The following ARFGEF1 variants were observed in gnomAD, a reference collection of about 807,000 sequenced individuals.
ARFGEF1 encodes the protein ARF guanine nucleotide exchange factor 1.
A neutral mutation model predicts 231.0 loss-of-function variants in ARFGEF1; 42 were observed. That is an observed-to-expected ratio of 0.18 (90% CI 0.14 to 0.24). The LOEUF (loss-of-function observed/expected upper bound fraction) is 0.24, where lower values mean the gene tolerates loss of function less well. Ranked by LOEUF, ARFGEF1 falls within the 10% of genes least tolerant of loss-of-function variation. The pLI, the probability that ARFGEF1 is intolerant of heterozygous loss-of-function variation, is 1.00. For missense variants in ARFGEF1, 1,345 were observed against 2,192.0 expected, an observed-to-expected ratio of 0.61 and a Z score of 7.72; for synonymous variants, 710 against 732.3, an observed-to-expected ratio of 0.97 and a Z score of 0.49.
intron 26 of ARFGEF1, 31 bp downstream of exon 26, chr8:67,227,416 C>T: frequency 6.2e-7 from 1 of 1,603,214 alleles, no homozygotes; most frequent in Non-Finnish European, 8.5e-7. Context: ...CAAGATTTTC[C>T]TTCTATTAAG....
intron 29 of ARFGEF1, 62 bp from the exon 30 acceptor site, chr8:67,219,622 G>A: frequency 6.7e-7 from 1 of 1,483,464 alleles, no homozygotes. Context: ...TCCTAAAATA[G>A]TTTTTAGAGT....
chr8:67,177,025 C>T (rs111533364), intron 5 of ARFGEF1, among the ~76,000 whole-genome samples: 3,146 of 141,272 alleles, frequency 0.022, 70 homozygotes, highest in South Asian at 0.049. Flanking sequence ...GAGCCAAGAT[C>T]GTGCCACTGC....
At chr8:67,219,345 T>G in intron 30 of ARFGEF1, 86 bp downstream of exon 30, 1 of 1,446,046 alleles carries the variant, frequency 6.9e-7, no homozygotes, top group Non-Finnish European at 9.2e-7. Flanking sequence ...TTTCTGTACT[T>G]AATTTGAAAC....
At chr8:67,338,546 A>G (rs1176311146) in intron 1 of ARFGEF1, among the ~76,000 whole-genome samples, 2 of 152,262 alleles carry the variant, frequency 1.3e-5, no homozygotes, top group Non-Finnish European at 2.9e-5. Context: ...CAGATTACAC[A>G]CTATAATCCA....
chr8:67,214,086 G>A (rs930249314), intron 33 of ARFGEF1, among the ~76,000 whole-genome samples: 1 of 152,166 alleles, frequency 6.6e-6, no homozygotes, highest in Admixed American at 6.5e-5. Context: ...AGAGACTGTT[G>A]GTAGAAATAT....
chr8:67,302,118 G>A (rs1225458096), intron 2 of ARFGEF1, among the ~76,000 whole-genome samples: 3 of 152,066 alleles, frequency 2.0e-5, no homozygotes, highest in Admixed American at 1.3e-4. Flanking sequence ...AGGATCACTT[G>A]AGCCTGGGAA....
At chr8:67,314,166 T>C (rs201287675) in intron 1 of ARFGEF1, among the ~76,000 whole-genome samples, 2 of 152,182 alleles carry the variant, frequency 1.3e-5, no homozygotes, top group East Asian at 3.8e-4. Context: ...CAAAAGGAGC[T>C]TGAAAACTTG....
At chr8:67,315,228 G>A (rs1217820442) in intron 1 of ARFGEF1, among the ~76,000 whole-genome samples, 7 of 152,140 alleles carry the variant, frequency 4.6e-5, no homozygotes, top group African/African-American at 1.7e-4. Flanking sequence ...TCCTAAATGT[G>A]TATATAACAA....
chr8:67,264,207 G>T (rs986504835), intron 14 of ARFGEF1, among the ~76,000 whole-genome samples: 1 of 152,014 alleles, frequency 6.6e-6, no homozygotes, highest in South Asian at 2.1e-4. Context: ...CAAAACCAAA[G>T]AAAAAGGTAA....
intron 13 of ARFGEF1, 33 bp from the exon 14 acceptor site, chr8:67,266,240 T>C: frequency 6.4e-7 from 1 of 1,565,836 alleles, no homozygotes; most frequent in East Asian, 2.3e-5. Context: ...AGTACATTAT[T>C]CTATCAAAGA....
intron 19 of ARFGEF1, among the ~76,000 whole-genome samples, chr8:67,245,431 AAAC>A (rs1186396966): frequency 2.0e-5 from 3 of 150,560 alleles, no homozygotes; most frequent in Admixed American, 6.6e-5. Flanking sequence ...GTATAAACAA[AAAC>A]AACAAAAGGT....
At chr8:67,310,746 G>A (rs1168820127) in intron 1 of ARFGEF1, among the ~76,000 whole-genome samples, 2 of 146,612 alleles carry the variant, frequency 1.4e-5, no homozygotes, top group Admixed American at 6.7e-5. Flanking sequence ...CTGCCCGGCC[G>A]CGACCCCGTC....
intron 1 of ARFGEF1, among the ~76,000 whole-genome samples, chr8:67,331,827 G>A (rs982844224): frequency 6.6e-6 from 1 of 152,094 alleles, no homozygotes; most frequent in Non-Finnish European, 1.5e-5. Context: ...GTCCTCCTCA[G>A]TGCTCTGTTG....
At position 67,288,240 on chromosome 8, in the gene ARFGEF1, T is replaced by G. The variant is rs2128907602; in HGVS notation, c.917-175A>C. ...AACCTTCAAAATGTATACCAAAACT[T>G]AAATATTTTCCAAATTCAAGTCAAT... On this transcript the variant is annotated intron_variant, in intron 6 of 38. Transcript: ENST00000262215. Among the ~76,000 whole-genome samples, 3 of 151,096 alleles carry G rather than the reference T, an allele frequency of 2.0e-5. No individual in the cohort carries two copies. In the South Asian group the frequency reaches 6.3e-4, roughly 32 times the overall value.
intron 14 of ARFGEF1, among the ~76,000 whole-genome samples, chr8:67,262,752 C>G (rs554354498): frequency 1.3e-5 from 2 of 152,170 alleles, no homozygotes; most frequent in Non-Finnish European, 2.9e-5. Context: ...AAGATTACAA[C>G]TCATTGAAAG....
intron 7 of ARFGEF1, among the ~76,000 whole-genome samples, chr8:67,280,798 CA>C (rs1258063571): frequency 2.6e-5 from 4 of 152,060 alleles, no homozygotes; most frequent in African/African-American, 9.7e-5. Flanking sequence ...GAAGGCCTCA[CA>C]AGAAATAGAA....
At chr8:67,235,637 C>T (rs78912396) in intron 22 of ARFGEF1, among the ~76,000 whole-genome samples, 2,378 of 151,970 alleles carry the variant, frequency 0.016, 67 homozygotes, top group African/African-American at 0.055. Flanking sequence ...GAAACCAGCC[C>T]GGGCAACATA....
chr8:67,284,245 C>CA (rs1193258736), intron 7 of ARFGEF1, among the ~76,000 whole-genome samples: 1 of 151,910 alleles, frequency 6.6e-6, no homozygotes, highest in African/African-American at 2.4e-5. Context: ...AGTACTCTAA[C>CA]AAAAAATGAG....
At position 67,198,889 on chromosome 8, in the gene ARFGEF1, A is replaced by AAATT. The variant is rs1838206284; in HGVS notation, c.*44_*45insAATT. ...GAAACCTCAGCTCCAGCGTCCTTTTAAAGAGCAGAGGGATGTAAATGCCAA... is the reference window on the plus strand; with the variant it reads ...GAAACCTCAGCTCCAGCGTCCTTTTAAATTAAGAGCAGAGGGATGTAAATGCCAA... On this transcript the variant is annotated 3_prime_UTR_variant, in exon 39 of 39. Transcript: ENST00000262215. 9 of 1,593,106 alleles carry AAATT rather than the reference A, an allele frequency of 5.6e-6. No homozygotes were observed. The highest frequency in any genetic ancestry group is 7.7e-6 in the Non-Finnish European group (9 of 1,173,956).
Sources: gnomAD v4.1 joint callset for allele counts (sites outside exome capture counted in the v4.1 genomes callset) on GRCh38, gnomAD v4.1.1 for gene constraint, MANE v1.5 for transcripts, NCBI Gene and HGNC (gene_info 2026-07-23, HGNC 2026-07-21) for gene names.